CAPS2: variants seen among roughly 807,000 people sequenced by gnomAD.
CAPS2 encodes calcyphosin-2.
A neutral mutation model predicts 86.5 loss-of-function variants in CAPS2; 98 were observed. The observed-to-expected ratio is 1.13, with a 90% CI of 0.96 to 1.34. The LOEUF is 1.34. Ranked by LOEUF, CAPS2 falls within the 40% of genes most tolerant of loss-of-function variation. The pLI is 0.00. For missense variants in CAPS2, 729 were observed against 686.8 expected, an observed-to-expected ratio of 1.06 and a Z score of -0.69; for synonymous variants, 210 against 225.1, an observed-to-expected ratio of 0.93 and a Z score of 0.60.
At position 75,335,880 on chromosome 12, in the gene CAPS2, T is replaced by C. The variant is rs536013623; in HGVS notation, c.-394-12658A>G. Reference sequence around the variant, plus strand: ...CGGAATTCAGAAATACTAATATTAGTATTAATATGGTTGATGCCTTTAGAG... The same window carrying C: ...CGGAATTCAGAAATACTAATATTAGCATTAATATGGTTGATGCCTTTAGAG... On this transcript the variant is annotated intron_variant, in intron 1 of 5. Coordinates refer to the CAPS2 transcript ENST00000551829. 3.9e-5 allele frequency among the ~76,000 whole-genome samples: 6 copies of C among 152,124 alleles called. No homozygotes were observed. In the East Asian group the frequency reaches 9.6e-4, roughly 24 times the overall value.
In CAPS2 at chr12:75,325,337, C is replaced by A. The variant is rs1468787130; in HGVS notation, c.82-49G>T. On this transcript the variant is annotated intron_variant, in intron 1 of 16. Coordinates refer to ENST00000393284, the Ensembl canonical transcript of CAPS2. ...TGAATCAGTATAAATATGAATATACCCTTTATACTTTAAGAGATACACAAT... is the reference window on the plus strand; with the variant it reads ...TGAATCAGTATAAATATGAATATACACTTTATACTTTAAGAGATACACAAT... The A allele has an allele frequency of 4.0e-6, 5 of 1,264,252 alleles. No homozygotes were observed. In the East Asian group the frequency reaches 1.0e-4, roughly 26 times the overall value. The allele number at this position is 1,264,252 out of a possible 1,614,324, so 78.3% of individuals were successfully genotyped here.
At chr12:75,357,229 C>A (rs530226762) in intron 1 of CAPS2, among the ~76,000 whole-genome samples, 1 of 152,132 alleles carries the variant, frequency 6.6e-6, no homozygotes, top group African/African-American at 2.4e-5. Flanking sequence ...ACATTAGTAT[C>A]AGAAAATGTA....
chr12:75,286,218 A>G (rs2138145708), intron 14 of CAPS2, among the ~76,000 whole-genome samples: 1 of 152,140 alleles, frequency 6.6e-6, no homozygotes, highest in Non-Finnish European at 1.5e-5. Flanking sequence ...TTTAACTAGA[A>G]AAACAAAATC....
chr12:75,380,569 T>C (rs957475559), intron 1 of CAPS2, among the ~76,000 whole-genome samples: 7 of 152,208 alleles, frequency 4.6e-5, no homozygotes, highest in African/African-American at 1.7e-4. Context: ...TAAAAAAACA[T>C]TTATTAAGCA....
intron 15 of CAPS2, among the ~76,000 whole-genome samples, chr12:75,283,713 C>A (rs2034378472): frequency 6.6e-6 from 1 of 152,062 alleles, no homozygotes; most frequent in Non-Finnish European, 1.5e-5. Flanking sequence ...ACTTGGGAGG[C>A]TGAGACAGGA....
At chr12:75,302,357 G>A (rs1397712456) in intron 8 of CAPS2, among the ~76,000 whole-genome samples, 2 of 152,142 alleles carry the variant, frequency 1.3e-5, no homozygotes, top group African/African-American at 2.4e-5. Context: ...TGAAGAAAAA[G>A]CCTAGAAACC....
chr12:75,363,260 A>T (rs1040831236), intron 1 of CAPS2: 46 of 713,928 alleles, frequency 6.4e-5, no homozygotes, highest in Admixed American at 5.4e-4. Flanking sequence ...AAATTTTAAA[A>T]TTTGGCTTCT....
intron 16 of CAPS2, among the ~76,000 whole-genome samples, chr12:75,281,234 A>G (rs1182385004): frequency 6.6e-6 from 1 of 151,960 alleles, no homozygotes; most frequent in African/African-American, 2.4e-5. Flanking sequence ...AAAATTTTAA[A>G]TGCAGACATC....
chr12:75,334,697 C>A, upstream of CAPS2: 1 of 1,597,230 alleles, frequency 6.3e-7, no homozygotes, highest in Non-Finnish European at 8.5e-7. Context: ...TCCGCGCAGT[C>A]AGGGCATCCT....
rs757308732 is a variant in CAPS2, at chr12:75,299,835, A to G, written c.854+2T>C. On this transcript the variant is annotated splice_donor_variant, in intron 9 of 16. Coordinates refer to ENST00000393284, the Ensembl canonical transcript of CAPS2. LOFTEE classifies it high-confidence loss of function. Reference sequence around the variant, plus strand: ...TAAAAATTTTAATAAAATCACAATTACCGTGATACGATCCTACCATCAAAC... The same window carrying G: ...TAAAAATTTTAATAAAATCACAATTGCCGTGATACGATCCTACCATCAAAC... 1.4e-6 allele frequency: 2 copies of G among 1,449,580 alleles called. No individual in the cohort carries two copies. The highest frequency in any genetic ancestry group is 2.4e-5 in the East Asian group (1 of 42,148). 89.8% of individuals were successfully genotyped at this position (1,449,580 alleles called of 1,614,324 possible). A position where few individuals can be genotyped will look rare whatever the true frequency, so the allele number is the denominator to read the frequency against.
chr12:75,329,432 G>A (rs766632579), upstream of CAPS2, among the ~76,000 whole-genome samples: 2 of 151,952 alleles, frequency 1.3e-5, no homozygotes, highest in East Asian at 3.9e-4. Flanking sequence ...AATACTGTTG[G>A]CTAATGTCTT....
chr12:75,362,248 A>G lies in CAPS2; in HGVS notation c.-395+28590T>C, dbSNP rs553186002. 1.6e-4 allele frequency among the ~76,000 whole-genome samples: 24 copies of G among 152,310 alleles called. No individual in the cohort carries two copies. In the South Asian group the frequency reaches 5.0e-3, roughly 32 times the overall value. On this transcript the variant is annotated intron_variant, in intron 1 of 5. Coordinates refer to the CAPS2 transcript ENST00000551829. ...AAGAAGATATGTAGGTAACAAATAC[A>G]CACATTAAAATGCTCATCATCATTC... is the stretch of plus-strand genomic sequence containing the variant.
chr12:75,296,209 T>TTA (rs34730771), intron 11 of CAPS2, among the ~76,000 whole-genome samples: 88,034 of 151,792 alleles, frequency 0.58, 25,847 homozygotes, highest in South Asian at 0.75. Context: ...TGTAACAGTG[T>TTA]TGTGTGTATA....
chr12:75,323,538 G>A (rs2040497082), intron 2 of CAPS2, among the ~76,000 whole-genome samples: 1 of 152,190 alleles, frequency 6.6e-6, no homozygotes, highest in South Asian at 2.1e-4. Context: ...GAGGTCGGGA[G>A]ATCGAGACCA....
chr12:75,377,238 C>T (rs1003729753), intron 1 of CAPS2, among the ~76,000 whole-genome samples: 1 of 152,228 alleles, frequency 6.6e-6, no homozygotes, highest in East Asian at 1.9e-4. Context: ...AGAAATCCAT[C>T]CTTTAAATTC....
intron 1 of CAPS2, among the ~76,000 whole-genome samples, chr12:75,337,617 A>T (rs182705145): frequency 6.6e-6 from 1 of 151,724 alleles, no homozygotes; most frequent in Non-Finnish European, 1.5e-5. Context: ...TTAATGTACA[A>T]TTTTTTTTAC....
At chr12:75,372,802 T>A (rs146929227) in intron 1 of CAPS2, among the ~76,000 whole-genome samples, 13 of 152,226 alleles carry the variant, frequency 8.5e-5, no homozygotes, top group Non-Finnish European at 1.8e-4. Flanking sequence ...GACCAGTGAA[T>A]TCCATGAGCA....
chr12:75,368,993 CTT>C (rs1249766766), intron 1 of CAPS2, among the ~76,000 whole-genome samples: 1 of 151,794 alleles, frequency 6.6e-6, no homozygotes, highest in Non-Finnish European at 1.5e-5. Flanking sequence ...TGTTCTATGA[CTT>C]TTGACTTGTA....
chr12:75,307,764 G>A (rs1235503281), intron 7 of CAPS2, among the ~76,000 whole-genome samples: 1 of 152,080 alleles, frequency 6.6e-6, no homozygotes, highest in African/African-American at 2.4e-5. Context: ...AACACCAACA[G>A]AACTAGAAAA....
Sources: gnomAD v4.1 joint callset for allele counts (sites outside exome capture counted in the v4.1 genomes callset) on GRCh38, gnomAD v4.1.1 for gene constraint, MANE v1.5 for transcripts, NCBI Gene and HGNC (gene_info 2026-07-23, HGNC 2026-07-21) for gene names.